The following CDH13 variants were observed in gnomAD, a reference collection of about 807,000 sequenced individuals.
CDH13 encodes the protein cadherin-13.
Under a neutral mutation model 63.8 loss-of-function variants are expected in CDH13, and 24 were observed. The ratio of observed to expected loss-of-function variants is 0.38; its 90% CI spans 0.27 to 0.53. The LOEUF (loss-of-function observed/expected upper bound fraction) is 0.53, where lower values mean the gene tolerates loss of function less well. Among genes scored for constraint, CDH13 ranks in the 20% least tolerant of loss-of-function variants. The pLI, the probability that CDH13 is intolerant of heterozygous loss-of-function variation, is 0.85. For missense variants in CDH13, 1,049 were observed against 903.1 expected (o/e 1.16, Z -2.07); for synonymous variants, 503 against 355.3 (o/e 1.42, Z -4.67).
intron 7 of CDH13, among the ~76,000 whole-genome samples, chr16:83,577,314 G>A (rs4077574): frequency 0.48 from 73,070 of 152,096 alleles, 18,090 homozygotes; most frequent in East Asian, 0.75. Flanking sequence ...AGGAATAGGA[G>A]AAGATGAGGT....
At chr16:82,817,960 T>C (rs2037804903) in intron 1 of CDH13, among the ~76,000 whole-genome samples, 1 of 152,050 alleles carries the variant, frequency 6.6e-6, no homozygotes, top group Non-Finnish European at 1.5e-5. Context: ...TATATATATA[T>C]GTATGTATAC....
At chr16:83,449,158 C>T (rs1036505492) in intron 6 of CDH13, among the ~76,000 whole-genome samples, 7 of 152,082 alleles carry the variant, frequency 4.6e-5, no homozygotes, top group African/African-American at 7.2e-5. Context: ...TAAATCAGCC[C>T]GGATGGAATT....
At chr16:83,081,106 C>G (rs1432580059) in intron 3 of CDH13, among the ~76,000 whole-genome samples, 1 of 151,792 alleles carries the variant, frequency 6.6e-6, no homozygotes, top group African/African-American at 2.4e-5. Context: ...GTCTCGAACT[C>G]CCGACGTCAG....
chr16:83,471,059 C>T (rs757108178), intron 6 of CDH13, among the ~76,000 whole-genome samples: 1 of 152,106 alleles, frequency 6.6e-6, no homozygotes, highest in South Asian at 2.1e-4. Context: ...TTGACTTCTG[C>T]TTCCCTGTTC....
chr16:83,112,125 G>A lies in CDH13; in HGVS notation c.367-13260G>A, dbSNP rs561492554. Among the ~76,000 whole-genome samples the A allele has an allele frequency of 1.2e-4, 19 of 152,238 alleles. No individual in the cohort carries two copies. The East Asian group carries it at 2.1e-3, about 17-fold the overall frequency. On this transcript the variant is annotated intron_variant, in intron 3 of 13. Transcript: ENST00000567109. ...GCTTTACTTATTCATTTTATCTCCC[G>A]CTGGGTTTCCTTCTTGATTTCTATA...
intron 1 of CDH13, among the ~76,000 whole-genome samples, chr16:82,795,207 A>G (rs1239528208): frequency 6.6e-6 from 1 of 152,166 alleles, no homozygotes; most frequent in Non-Finnish European, 1.5e-5. Flanking sequence ...GTCATGGACA[A>G]TTGTCCATGT....
intron 1 of CDH13, among the ~76,000 whole-genome samples, chr16:82,713,988 G>T (rs960845223): frequency 6.6e-6 from 1 of 152,028 alleles, no homozygotes; most frequent in Non-Finnish European, 1.5e-5. Flanking sequence ...TTGTCGCCTA[G>T]GCTGGAGTGC....
chr16:83,712,870 C>T (rs1214195435), intron 10 of CDH13, among the ~76,000 whole-genome samples: 1 of 152,168 alleles, frequency 6.6e-6, no homozygotes, highest in Non-Finnish European at 1.5e-5. Flanking sequence ...AAATTCAGCC[C>T]TATTAAGTTT....
At chr16:83,217,591 T>A (rs1275865171) in intron 5 of CDH13, 94 bp downstream of exon 5, 1 of 1,339,148 alleles carries the variant, frequency 7.5e-7, no homozygotes, top group African/African-American at 1.5e-5. Context: ...CTGTGCCTCA[T>A]CAAACCCGGG....
At chr16:83,507,958 G>A (rs552957053) in intron 7 of CDH13, among the ~76,000 whole-genome samples, 1 of 151,390 alleles carries the variant, frequency 6.6e-6, no homozygotes, top group East Asian at 2.0e-4. Flanking sequence ...CTTGAAACCG[G>A]GAGGCAGAGG....
At chr16:83,375,511 ATAAG>A (rs769510247) in intron 6 of CDH13, among the ~76,000 whole-genome samples, 4 of 152,220 alleles carry the variant, frequency 2.6e-5, no homozygotes, top group Non-Finnish European at 5.9e-5. Context: ...GAACTTGAAG[ATAAG>A]TAAGACAAAA....
chr16:82,973,590 C>G (rs983424970), intron 2 of CDH13, among the ~76,000 whole-genome samples: 1 of 152,198 alleles, frequency 6.6e-6, no homozygotes, highest in Non-Finnish European at 1.5e-5. Flanking sequence ...CAAACCAACA[C>G]AAGACAGTGT....
intron 5 of CDH13, among the ~76,000 whole-genome samples, chr16:83,279,211 A>G (rs1171091876): frequency 6.6e-6 from 1 of 152,100 alleles, no homozygotes; most frequent in Non-Finnish European, 1.5e-5. Context: ...GTCTAATATC[A>G]GGGCTAGATT....
At chr16:83,064,042 G>A (rs1045348343) in intron 3 of CDH13, among the ~76,000 whole-genome samples, 1 of 152,104 alleles carries the variant, frequency 6.6e-6, no homozygotes, top group Non-Finnish European at 1.5e-5. Context: ...TCACATTTCA[G>A]AGCTAAAAAT....
intron 7 of CDH13, among the ~76,000 whole-genome samples, chr16:83,569,884 A>G (rs1050880288): frequency 6.6e-6 from 1 of 152,044 alleles, no homozygotes; most frequent in Non-Finnish European, 1.5e-5. Context: ...CTACAGGTGC[A>G]CGCCACCATG....
At chr16:83,584,865 G>A (rs920083783) in intron 7 of CDH13, among the ~76,000 whole-genome samples, 6 of 152,094 alleles carry the variant, frequency 3.9e-5, no homozygotes, top group African/African-American at 7.3e-5. Flanking sequence ...AGGGCAAAGC[G>A]GGAGTGGGCA....
At chr16:83,628,007 C>A (rs578242840) in intron 8 of CDH13, among the ~76,000 whole-genome samples, 1 of 152,132 alleles carries the variant, frequency 6.6e-6, no homozygotes, top group Non-Finnish European at 1.5e-5. Flanking sequence ...ACTGTCATAG[C>A]GCTGGTGGGA....
intron 2 of CDH13, among the ~76,000 whole-genome samples, chr16:82,978,158 C>G (rs1350745175): frequency 6.6e-6 from 1 of 152,078 alleles, no homozygotes; most frequent in Non-Finnish European, 1.5e-5. Context: ...CAAGAGGTGG[C>G]TTGGGTGCTG....
chr16:83,348,578 T>G (rs959794339), intron 6 of CDH13, among the ~76,000 whole-genome samples: 1 of 152,210 alleles, frequency 6.6e-6, no homozygotes, highest in African/African-American at 2.4e-5. Context: ...AAATTCTTAA[T>G]AATTGTTGAA....
Sources: allele counts gnomAD v4.1 joint callset (sites outside exome capture counted in the v4.1 genomes callset), GRCh38; gene constraint gnomAD v4.1.1; transcripts MANE v1.5; gene names NCBI Gene and HGNC (gene_info 2026-07-23, HGNC 2026-07-21).